The following CHD6 variants were observed in gnomAD, a reference collection of about 807,000 sequenced individuals.
CHD6 encodes the protein ATP-dependent chromatin remodeler CHD6.
Under a neutral mutation model 276.9 loss-of-function variants are expected in CHD6, and 50 were observed. The observed-to-expected ratio is 0.18, with a 90% confidence interval of 0.14 to 0.23. The LOEUF (loss-of-function observed/expected upper bound fraction) is 0.23, where lower values mean the gene tolerates loss of function less well. Among genes scored for constraint, CHD6 ranks in the 10% least tolerant of loss-of-function variants. The pLI is 1.00. For missense variants in CHD6, 2,564 were observed against 3,365.8 expected (o/e 0.76, Z 5.89); for synonymous variants, 1,173 against 1,229.3 (o/e 0.95, Z 0.96).
chr20:41,564,641 C>T (rs188208149), intron 1 of CHD6, among the ~76,000 whole-genome samples: 56 of 152,182 alleles, frequency 3.7e-4, no homozygotes, highest in Middle Eastern at 3.4e-3. Context: ...CACCAGAAAG[C>T]GGACATTTTT....
intron 17 of CHD6, among the ~76,000 whole-genome samples, chr20:41,468,954 T>C (rs776548860): frequency 6.6e-5 from 10 of 152,178 alleles, no homozygotes; most frequent in Non-Finnish European, 1.5e-4. Context: ...TTCGAGCCAC[T>C]GCACTCTAGC....
chr20:41,451,978 T>C lies in CHD6; in HGVS notation c.3371A>G (p.His1124Arg). 6.2e-7 allele frequency: 1 copy of C among 1,614,144 alleles called. No homozygotes were observed. The highest frequency in any genetic ancestry group is 8.5e-7 in the Non-Finnish European group (1 of 1,180,016). Residue 1124 changes from histidine to arginine, a missense_variant, in exon 22 of 37, where the codon CAT (histidine) becomes CGT (arginine). Transcript: ENST00000373233. ...DILTHGRFKW[H>R]LNEKDMEMIC... is the part of the protein sequence containing the mutation. ...CATCTCCATGTCCTTCTCGTTCAGATGCCACTTGAATCGGCCATGAGTCAG... is the reference window on the plus strand; with the variant it reads ...CATCTCCATGTCCTTCTCGTTCAGACGCCACTTGAATCGGCCATGAGTCAG...
At position 41,416,583 on chromosome 20, in the gene CHD6, C is replaced by T. The variant is rs1250660352; in HGVS notation, c.6486+5G>A. ...TTTGTGGTCACTCCATTCTTGCCGG[C>T]TCACCTTGTGGATCTGGGCCGCCAA... On this transcript the variant is annotated splice_donor_5th_base_variant and intron_variant, in intron 33 of 36. Transcript: ENST00000373233. 1.2e-6 allele frequency: 2 copies of T among 1,608,468 alleles called. No individual in the cohort carries two copies. The highest frequency in any genetic ancestry group is 1.7e-6 in the Non-Finnish European group (2 of 1,177,654).
intron 1 of CHD6, among the ~76,000 whole-genome samples, chr20:41,576,899 G>A (rs2045480058): frequency 6.6e-6 from 1 of 152,172 alleles, no homozygotes; most frequent in South Asian, 2.1e-4. Context: ...CAACACAAAA[G>A]AAGGACCATC....
chr20:41,582,336 G>A (rs2045549561), intron 1 of CHD6, among the ~76,000 whole-genome samples: 6 of 152,132 alleles, frequency 3.9e-5, no homozygotes, highest in Admixed American at 3.3e-4. Context: ...GCAATTCCAA[G>A]GGGAAATTCT....
intron 5 of CHD6, among the ~76,000 whole-genome samples, chr20:41,504,403 C>CTTTTTTTTTTT (rs200549678): frequency 8.2e-5 from 9 of 109,968 alleles, no homozygotes; most frequent in Non-Finnish European, 1.1e-4. Context: ...CCTCTATTTT[C>CTTTTTTTTTTT]TTTTTTTTTT....
chr20:41,538,473 T>C (rs945632589), intron 2 of CHD6, among the ~76,000 whole-genome samples: 4 of 152,222 alleles, frequency 2.6e-5, no homozygotes, highest in African/African-American at 9.6e-5. Context: ...TATTGTATAA[T>C]TCCATTTATA....
intron 33 of CHD6, 73 bp from the exon 34 acceptor site, chr20:41,415,711 C>G: frequency 8.7e-7 from 1 of 1,155,468 alleles, no homozygotes; most frequent in Middle Eastern, 2.8e-4. Context: ...TTCTCCAGGC[C>G]TGATTTCCCT....
At chr20:41,446,975 T>C (rs2145635336) in intron 24 of CHD6, among the ~76,000 whole-genome samples, 1 of 152,312 alleles carries the variant, frequency 6.6e-6, no homozygotes, top group South Asian at 2.1e-4. Flanking sequence ...GCTGCATTTA[T>C]ACGACTCAAA....
In CHD6 at chr20:41,416,791, G is replaced by C; in HGVS notation, c.6283C>G (p.Arg2095Gly). 3.9e-6 allele frequency: 6 copies of C among 1,552,448 alleles called. No homozygotes were observed. Among genetic ancestry groups the C allele is most frequent in the African/African-American group, 1.4e-5 (1 of 72,656 alleles). ...TTATCTAGGCGGTTAATTATCACGC[G>C]GTCCTAGAAAAAAGGATAAAGCTCT... ...LYSFSEWPKD[R>G]VIINRLDNIC... The change falls in exon 33 of 37, where the codon CGC (arginine) becomes GGC (glycine). Residue 2095 changes from arginine to glycine, a missense_variant. Arg to Gly is a moderately radical substitution (Grantham distance 125). This residue lies in a region of CHD6 where 1,024 missense variants were observed against 1,047.9 expected (regional missense o/e 0.98). Transcript: ENST00000373233.
At chr20:41,439,589 T>G (rs1253976450) in intron 26 of CHD6, among the ~76,000 whole-genome samples, 1 of 152,154 alleles carries the variant, frequency 6.6e-6, no homozygotes, top group African/African-American at 2.4e-5. Flanking sequence ...CCTTAGACAA[T>G]ACTGGATCTG....
intron 33 of CHD6, 91 bp from the exon 34 acceptor site, chr20:41,415,729 A>G: frequency 1.0e-6 from 1 of 956,642 alleles, no homozygotes; most frequent in South Asian, 1.7e-5. Flanking sequence ...CCTAGGCCTC[A>G]TATTGTTTCC....
chr20:41,587,129 G>A (rs1379780459), intron 1 of CHD6, among the ~76,000 whole-genome samples: 2 of 152,184 alleles, frequency 1.3e-5, no homozygotes, highest in Non-Finnish European at 2.9e-5. Context: ...TAGGCTATAA[G>A]ATTGACATAT....
intron 2 of CHD6, chr20:41,547,488 G>T: frequency 2.7e-6 from 1 of 375,296 alleles, no homozygotes; most frequent in East Asian, 6.8e-5. Context: ...GGGTGAAGTC[G>T]ATGCCATGTC....
At chr20:41,444,339 C>T (rs2047996980) in intron 25 of CHD6, among the ~76,000 whole-genome samples, 1 of 152,230 alleles carries the variant, frequency 6.6e-6, no homozygotes, top group South Asian at 2.1e-4. Context: ...CATAAAAATA[C>T]ACTTGCTCAG....
At chr20:41,610,889 T>G (rs2045880703) in intron 1 of CHD6, among the ~76,000 whole-genome samples, 1 of 152,214 alleles carries the variant, frequency 6.6e-6, no homozygotes, top group Non-Finnish European at 1.5e-5. Flanking sequence ...GTCAGTAGTT[T>G]GTATTGAGAA....
chr20:41,428,961 A>G (rs4812507), intron 27 of CHD6, among the ~76,000 whole-genome samples: 21,408 of 152,214 alleles, frequency 0.14, 2,787 homozygotes, highest in East Asian at 0.34. Flanking sequence ...CACAAGAAGA[A>G]GGTGCTTGTT....
chr20:41,579,437 C>CAAAAAAAAAAAAAAAA (rs574347177), intron 1 of CHD6, among the ~76,000 whole-genome samples: 14 of 69,966 alleles, frequency 2.0e-4, no homozygotes, highest in Non-Finnish European at 3.0e-4. Context: ...GACTCTGTCT[C>CAAAAAAAAAAAAAAAA]AAAAAAAAAA....
chr20:41,497,373 T>C lies in CHD6; in HGVS notation c.1092+11A>G, dbSNP rs997187242. On this transcript the variant is annotated intron_variant, in intron 8 of 36. Coordinates refer to ENST00000373233, the MANE Select transcript of CHD6 (RefSeq NM_032221.5). ...AGCAGCAGTCAAATGAGTCAGTAAA[T>C]ATTGCTTCACCTCCGTAAAAATGTG... 1 of 1,549,654 alleles carries C rather than the reference T, an allele frequency of 6.5e-7. No homozygotes were observed.
Sources: gnomAD v4.1 joint callset for allele counts (sites outside exome capture counted in the v4.1 genomes callset) on GRCh38, gnomAD v4.1.1 for gene constraint, gnomAD v4.1.1 regional missense constraint, MANE v1.5 for transcripts, NCBI Gene and HGNC (gene_info 2026-07-23, HGNC 2026-07-21) for gene names.